CSE1L: variants seen among roughly 807,000 people sequenced by gnomAD.
The protein encoded by CSE1L is chromosome segregation 1 like, also known as exportin-2.
CSE1L carries 24 observed loss-of-function variants against 120.4 expected under a neutral mutation model. The ratio of observed to expected loss-of-function variants is 0.20; its 90% CI spans 0.14 to 0.28. The LOEUF (loss-of-function observed/expected upper bound fraction) is 0.28, where lower values mean the gene tolerates loss of function less well. Among genes scored for constraint, CSE1L ranks in the 10% least tolerant of loss-of-function variants. CSE1L has a pLI of 1.00. For missense variants in CSE1L, 830 were observed against 1,145.2 expected (o/e 0.72, Z 3.97); for synonymous variants, 402 against 398.3 (o/e 1.01, Z -0.11).
intron 13 of CSE1L, 78 bp from the exon 14 acceptor site, chr20:49,078,483 A>C: frequency 1.1e-6 from 1 of 911,344 alleles, no homozygotes; most frequent in Non-Finnish European, 1.7e-6. Flanking sequence ...CTTTTTTTAT[A>C]ACTCTGATGA....
chr20:49,046,883 G>A, intron 1 of CSE1L, among the ~76,000 whole-genome samples: 1 of 152,246 alleles, frequency 6.6e-6, no homozygotes, highest in East Asian at 1.9e-4. Flanking sequence ...GGGGACTGCG[G>A]GCGCGTGGAG....
chr20:49,074,980 T>C, intron 11 of CSE1L, 130 bp downstream of exon 11: 1 of 646,812 alleles, frequency 1.5e-6, no homozygotes, highest in Non-Finnish European at 2.6e-6. Context: ...TTGAGAACTG[T>C]TGTCTTTCTT....
intron 2 of CSE1L, among the ~76,000 whole-genome samples, chr20:49,061,556 G>A (rs980970544): frequency 1.3e-5 from 2 of 150,100 alleles, no homozygotes; most frequent in African/African-American, 4.9e-5. Flanking sequence ...AGGCTGGAGT[G>A]CAGTGGCGCC....
chr20:49,069,136 C>G (rs1341451721), intron 7 of CSE1L, among the ~76,000 whole-genome samples: 1 of 151,998 alleles, frequency 6.6e-6, no homozygotes, highest in Non-Finnish European at 1.5e-5. Flanking sequence ...AGGCCTTCCT[C>G]TTTCGTTCAT....
chr20:49,060,125 C>T (rs2091840215), intron 2 of CSE1L, among the ~76,000 whole-genome samples: 1 of 148,884 alleles, frequency 6.7e-6, no homozygotes, highest in Non-Finnish European at 1.5e-5. Context: ...GTCGGAGCTG[C>T]AGTGAGTTAT....
intron 18 of CSE1L, 27 bp downstream of exon 18, chr20:49,089,424 G>A (rs535649164): frequency 4.4e-6 from 7 of 1,607,992 alleles, no homozygotes; most frequent in East Asian, 2.2e-5. Context: ...TATTTTCTTT[G>A]TAATGGAATA....
chr20:49,057,314 T>G (rs2091816510), intron 1 of CSE1L, among the ~76,000 whole-genome samples: 1 of 152,194 alleles, frequency 6.6e-6, no homozygotes, highest in Non-Finnish European at 1.5e-5. Context: ...AGAATTTATC[T>G]CCCTAGATGC....
chr20:49,089,362 T>C lies in CSE1L; in HGVS notation c.1937T>C (p.Leu646Ser). The change falls in exon 18 of 25, where the codon TTG (leucine) becomes TCG (serine). Residue 646 changes from leucine to serine, a missense_variant. Around this residue, in one of 4 missense-constraint regions of CSE1L, gnomAD observed 168 missense variants for 267.9 expected, o/e 0.63. Coordinates refer to ENST00000262982, the MANE Select transcript of CSE1L (RefSeq NM_001316.4). ...GTAAATTTTGAGGAGGCTTTGTTTT[T>C]GGTGTTTACTGAAATCTTACAAAAT... ...AVVNFEEALF[L>S]VFTEILQNDV... 6.2e-7 allele frequency: 1 copy of C among 1,611,020 alleles called. No homozygotes were observed. Among genetic ancestry groups the C allele is most frequent in the Non-Finnish European group, 8.5e-7 (1 of 1,179,252 alleles).
At chr20:49,065,313 A>AAT (rs775165525) in intron 3 of CSE1L, among the ~76,000 whole-genome samples, 1,182 of 51,954 alleles carry the variant, frequency 0.023, 59 homozygotes, top group South Asian at 0.039. Flanking sequence ...TGAAAAAAAA[A>AAT]TTTTTTTTTT....
intron 1 of CSE1L, among the ~76,000 whole-genome samples, chr20:49,053,737 A>C (rs895150951): frequency 1.3e-5 from 2 of 152,228 alleles, no homozygotes; most frequent in African/African-American, 2.4e-5. Flanking sequence ...ATTGCTTTCC[A>C]AAGTGTGTTC....
At chr20:49,072,193 G>A (rs1015507823) in intron 8 of CSE1L, 93 bp from the exon 9 acceptor site, 3 of 1,313,134 alleles carry the variant, frequency 2.3e-6, no homozygotes, top group South Asian at 2.8e-5. Flanking sequence ...GGATTTAATT[G>A]ATAAAGAGTC....
At position 49,063,264 on chromosome 20, in the gene CSE1L, C is replaced by G. The variant is rs1329990410; in HGVS notation, c.148C>G (p.Leu50Val). ...QNYPLLLLTL[L>V]EKSQDNVIKV... ...TTATCCACTGTTGCTTTTGACATTACTGGAGAAGTCCCAGGATAATGTTAT... is the reference window on the plus strand; with the variant it reads ...TTATCCACTGTTGCTTTTGACATTAGTGGAGAAGTCCCAGGATAATGTTAT... The change falls in exon 3 of 25, where the codon CTG becomes GTG. Residue 50 changes from leucine to valine, a missense_variant. Physicochemically the swap from Leu to Val is conservative, Grantham distance 32. Transcript: ENST00000262982. 6.3e-7 allele frequency: 1 copy of G among 1,591,658 alleles called. No homozygotes were observed. Among genetic ancestry groups the G allele is most frequent in the Non-Finnish European group, 8.6e-7 (1 of 1,167,528 alleles).
intron 3 of CSE1L, among the ~76,000 whole-genome samples, chr20:49,064,028 G>A (rs1354454756): frequency 6.6e-6 from 1 of 152,138 alleles, no homozygotes; most frequent in African/African-American, 2.4e-5. Flanking sequence ...GGGGCAGTTT[G>A]GCTCACCAGG....
intron 2 of CSE1L, among the ~76,000 whole-genome samples, chr20:49,060,184 T>TAAAA (rs397839598): frequency 7.5e-6 from 1 of 133,440 alleles, no homozygotes; most frequent in Non-Finnish European, 1.6e-5. Flanking sequence ...AATCTTGTCT[T>TAAAA]AAAAAAAAAA....
chr20:49,068,287 C>G (rs1188722961), intron 6 of CSE1L, among the ~76,000 whole-genome samples: 2 of 152,096 alleles, frequency 1.3e-5, no homozygotes, highest in African/African-American at 4.8e-5. Flanking sequence ...TCTTAAGTGA[C>G]TGTATTATTT....
chr20:49,073,595 C>G (rs2091947766), intron 10 of CSE1L, among the ~76,000 whole-genome samples: 1 of 152,118 alleles, frequency 6.6e-6, no homozygotes, highest in Non-Finnish European at 1.5e-5. Flanking sequence ...AAGTCATTGT[C>G]CCACCCTGGC....
intron 21 of CSE1L, among the ~76,000 whole-genome samples, chr20:49,091,498 T>C (rs569782743): frequency 6.9e-6 from 1 of 144,788 alleles, no homozygotes; most frequent in African/African-American, 2.6e-5. Context: ...CTTTGGGAGG[T>C]GAAAGTGGGA....
At chr20:49,078,009 AAAAAATTAAG>A (rs781026274) in intron 13 of CSE1L, among the ~76,000 whole-genome samples, 1 of 152,220 alleles carries the variant, frequency 6.6e-6, no homozygotes, top group Non-Finnish European at 1.5e-5. Context: ...GTCTCAAAAA[AAAAAATTAAG>A]GATAGTTTCT....
chr20:49,076,066 G>T lies in CSE1L; in HGVS notation c.1335+546G>T, dbSNP rs190084065. ...AGGATGGTCTCAAATTCCTGACCTC[G>T]TGTGATCCTCACACCTCAGCCTCCC... On this transcript the variant is annotated intron_variant, in intron 12 of 24. Transcript: ENST00000262982. 2.5e-4 allele frequency among the ~76,000 whole-genome samples: 38 copies of T among 152,266 alleles called. 1 individual carries two copies. The East Asian group carries it at 6.4e-3, about 26-fold the overall frequency.
Sources: gnomAD v4.1 joint callset for allele counts (sites outside exome capture counted in the v4.1 genomes callset) on GRCh38, gnomAD v4.1.1 for gene constraint, gnomAD v4.1.1 regional missense constraint, MANE v1.5 for transcripts, NCBI Gene and HGNC (gene_info 2026-07-23, HGNC 2026-07-21) for gene names.